The following CHST11 variants were observed in gnomAD, a reference collection of about 807,000 sequenced individuals.
CHST11 encodes the protein carbohydrate sulfotransferase 11.
In CHST11, 9 loss-of-function variants were observed where a neutral mutation model predicts 30.4. The ratio of observed to expected loss-of-function variants is 0.30; its 90% confidence interval spans 0.18 to 0.52. CHST11 has a LOEUF of 0.52. Ranked by LOEUF, CHST11 falls within the 20% of genes least tolerant of loss-of-function variation. The probability of loss-of-function intolerance (pLI) is 0.97; values close to 1 mark genes in which losing one functional copy is unlikely to be tolerated. For synonymous variants in CHST11, 152 were observed against 187.8 expected (o/e 0.81, Z 1.56); for missense variants, 348 against 460.6 (o/e 0.76, Z 2.24).
intron 2 of CHST11, among the ~76,000 whole-genome samples, chr12:104,754,068 G>T (rs1380207610): frequency 3.3e-5 from 5 of 152,150 alleles, no homozygotes; most frequent in Admixed American, 2.6e-4. Context: ...TTTGTTGAGT[G>T]GTGGCATTTG....
intron 1 of CHST11, among the ~76,000 whole-genome samples, chr12:104,517,531 G>A (rs903808666): frequency 4.6e-5 from 7 of 152,214 alleles, no homozygotes; most frequent in Middle Eastern, 3.2e-3. Context: ...TTGGAGTTAA[G>A]TTGCAGGTTG....
chr12:104,581,096 G>A (rs1024015648), intron 1 of CHST11, among the ~76,000 whole-genome samples: 1 of 152,166 alleles, frequency 6.6e-6, no homozygotes, highest in Non-Finnish European at 1.5e-5. Flanking sequence ...TCCTGACCTT[G>A]GACATGCAGG....
chr12:104,524,137 G>C (rs183025243), intron 1 of CHST11, among the ~76,000 whole-genome samples: 1 of 149,568 alleles, frequency 6.7e-6, no homozygotes, highest in Non-Finnish European at 1.5e-5. Flanking sequence ...TTTTTCTTGC[G>C]AATAAATGTT....
intron 2 of CHST11, among the ~76,000 whole-genome samples, chr12:104,708,793 T>A (rs1241261405): frequency 6.6e-6 from 1 of 151,940 alleles, no homozygotes; most frequent in African/African-American, 2.4e-5. Context: ...CGCTCCATCT[T>A]CCCCCATCTC....
chr12:104,624,268 G>A (rs998894620), intron 2 of CHST11, among the ~76,000 whole-genome samples: 13 of 152,280 alleles, frequency 8.5e-5, no homozygotes, highest in Middle Eastern at 6.8e-3. Context: ...AAAAAGAAGG[G>A]AGACGGTTTG....
chr12:104,659,421 C>T (rs2039576485), intron 2 of CHST11, among the ~76,000 whole-genome samples: 1 of 152,202 alleles, frequency 6.6e-6, no homozygotes, highest in Non-Finnish European at 1.5e-5. Flanking sequence ...AGAGCCATCA[C>T]TGCCCCGATC....
At chr12:104,544,075 G>T (rs2038311641) in intron 1 of CHST11, among the ~76,000 whole-genome samples, 1 of 149,584 alleles carries the variant, frequency 6.7e-6, no homozygotes, top group African/African-American at 2.5e-5. Context: ...AGTGAGCTAT[G>T]GTTGAATCAC....
chr12:104,678,013 TTGAGAGGCCTTCTCCAA>T (rs1302125572), intron 2 of CHST11, among the ~76,000 whole-genome samples: 1 of 152,224 alleles, frequency 6.6e-6, no homozygotes. Context: ...ATCACCTCCT[TTGAGAGGCCTTCTCCAA>T]CCTTCCAGGC....
intron 1 of CHST11, among the ~76,000 whole-genome samples, chr12:104,568,254 G>T (rs2038587882): frequency 6.6e-6 from 1 of 152,176 alleles, no homozygotes; most frequent in South Asian, 2.1e-4. Context: ...CTCTCTTGCT[G>T]CAGTGTGTTG....
intron 1 of CHST11, among the ~76,000 whole-genome samples, chr12:104,532,902 C>T (rs1203544990): frequency 2.6e-5 from 4 of 152,090 alleles, no homozygotes; most frequent in African/African-American, 9.7e-5. Flanking sequence ...CTCATGCAAC[C>T]CTGTTTAAGT....
At chr12:104,461,575 A>G (rs1290729340) in intron 1 of CHST11, among the ~76,000 whole-genome samples, 2 of 152,198 alleles carry the variant, frequency 1.3e-5, no homozygotes, top group African/African-American at 4.8e-5. Context: ...GTGTTACTCC[A>G]TAGGATTGTG....
At chr12:104,547,083 C>G (rs1470571684) in intron 1 of CHST11, among the ~76,000 whole-genome samples, 1 of 152,204 alleles carries the variant, frequency 6.6e-6, no homozygotes, top group African/African-American at 2.4e-5. Context: ...TTGTTTTTCT[C>G]TAGCTGAGTC....
Position 104,475,681 on chromosome 12 carries a change from TATATATA to T in CHST11, c.118+18153_118+18159del, listed in dbSNP as rs1565954850. The stretch of plus-strand genomic sequence containing the variant: ...CATTATATATATATATATATATATA[TATATATA>T]TATTTCTGATTATGAAATTAATTCA... On this transcript the variant is annotated intron_variant, in intron 1 of 2. Transcript: ENST00000303694. 8.0e-4 allele frequency among the ~76,000 whole-genome samples: 100 copies of T among 124,458 alleles called. 6 individuals are homozygous for T. The highest frequency in any genetic ancestry group is 1.4e-3 in the Non-Finnish European group (82 of 57,672). 81.6% of individuals were successfully genotyped at this position (124,458 alleles called of 152,430 possible). A position where few individuals can be genotyped will look rare whatever the true frequency, so the allele number is the denominator to read the frequency against.
intron 1 of CHST11, among the ~76,000 whole-genome samples, chr12:104,539,879 GC>G (rs781113046): frequency 3.3e-5 from 5 of 152,158 alleles, no homozygotes; most frequent in Admixed American, 6.5e-5. Context: ...TCACTGTGTT[GC>G]CCAGGCTGGT....
intron 1 of CHST11, among the ~76,000 whole-genome samples, chr12:104,517,293 TG>T (rs2038033128): frequency 6.6e-6 from 1 of 152,174 alleles, no homozygotes; most frequent in Non-Finnish European, 1.5e-5. Context: ...CACCCGCGCT[TG>T]GATGGGTGTC....
intron 2 of CHST11, among the ~76,000 whole-genome samples, chr12:104,611,460 C>T (rs924760701): frequency 2.6e-5 from 4 of 152,236 alleles, no homozygotes; most frequent in African/African-American, 9.6e-5. Flanking sequence ...AAAACGATTC[C>T]ACCAGGCTTT....
intron 1 of CHST11, among the ~76,000 whole-genome samples, chr12:104,505,768 TC>T (rs1223369026): frequency 6.6e-6 from 1 of 152,226 alleles, no homozygotes; most frequent in Non-Finnish European, 1.5e-5. Context: ...ATGTAGCCGT[TC>T]CTTTCACTCC....
Position 104,680,664 on chromosome 12 carries a change from A to G in CHST11, c.205-76285A>G, listed in dbSNP as rs77667263. 2.9e-3 allele frequency among the ~76,000 whole-genome samples: 443 copies of G among 152,350 alleles called. 3 individuals carry two copies. Among genetic ancestry groups the G allele is most frequent in the African/African-American group, 0.01 (418 of 41,582 alleles). On this transcript the variant is annotated intron_variant, in intron 2 of 2. Coordinates refer to ENST00000303694, the MANE Select transcript of CHST11 (RefSeq NM_018413.6). ...TGTGGGAAGGAAATGCTGTGCACTCAGTAAAGTCAGTTCCTCTCAATCCCT... is the reference window on the plus strand; with the variant it reads ...TGTGGGAAGGAAATGCTGTGCACTCGGTAAAGTCAGTTCCTCTCAATCCCT...
At chr12:104,591,714 T>C (rs2038860265) in intron 1 of CHST11, 1 of 152,722 alleles carries the variant, frequency 6.5e-6, no homozygotes, top group South Asian at 2.1e-4. Context: ...ACTTGACTCT[T>C]TCCAGATATC....
Sources: gnomAD v4.1 joint callset for allele counts (sites outside exome capture counted in the v4.1 genomes callset) on GRCh38, gnomAD v4.1.1 for gene constraint, MANE v1.5 for transcripts, NCBI Gene and HGNC (gene_info 2026-07-23, HGNC 2026-07-21) for gene names.